The following ZMYM2 variants were observed in gnomAD, a reference collection of about 807,000 sequenced individuals.
The protein encoded by ZMYM2 is zinc finger MYM-type protein 2.
In ZMYM2, 56 loss-of-function variants were observed where a neutral mutation model predicts 162.8. The observed-to-expected ratio is 0.34, with a 90% CI of 0.28 to 0.43. ZMYM2 has a LOEUF of 0.43. ZMYM2 is among the 20% of genes least tolerant of loss of function. The probability of loss-of-function intolerance (pLI) is 1.00; values close to 1 mark genes in which losing one functional copy is unlikely to be tolerated. For missense variants in ZMYM2, 1,275 were observed against 1,621.8 expected, an observed-to-expected ratio of 0.79 and a Z score of 3.67; for synonymous variants, 510 against 541.6, an observed-to-expected ratio of 0.94 and a Z score of 0.81.
intron 14 of ZMYM2, among the ~76,000 whole-genome samples, chr13:20,052,538 A>G (rs1025019979): frequency 1.3e-5 from 2 of 152,170 alleles, no homozygotes; most frequent in African/African-American, 4.8e-5. Flanking sequence ...GGGGCGATAG[A>G]CATAAGTGAT....
chr13:20,029,810 T>C (rs117072079), intron 9 of ZMYM2, among the ~76,000 whole-genome samples: 3,970 of 152,224 alleles, frequency 0.026, 119 homozygotes, highest in East Asian at 0.13. Context: ...AATTTTTTTT[T>C]TTTTGGAGAC....
chr13:19,902,839 C>T, the ZMYM2 span, among the ~76,000 whole-genome samples: 1 of 151,962 alleles, frequency 6.6e-6, no homozygotes, highest in African/African-American at 2.4e-5. Flanking sequence ...AATAGGGAGA[C>T]ATCGTCTCTA....
chr13:20,021,326 C>T (rs4569103), intron 7 of ZMYM2, among the ~76,000 whole-genome samples: 119,004 of 137,098 alleles, frequency 0.87, 50,794 homozygotes, highest in Non-Finnish European at 0.92. Flanking sequence ...GTTTGATTTT[C>T]TTTTTTTTTC....
At chr13:20,083,836 T>C in intron 24 of ZMYM2, 60 bp downstream of exon 24, 2 of 1,532,350 alleles carry the variant, frequency 1.3e-6, no homozygotes, top group South Asian at 2.5e-5. Context: ...GGTTTAAATT[T>C]AACATTACCA....
At chr13:19,881,611 G>A in the ZMYM2 span, among the ~76,000 whole-genome samples, 1 of 151,326 alleles carries the variant, frequency 6.6e-6, no homozygotes, top group Non-Finnish European at 1.5e-5. Flanking sequence ...AACAGAGTGA[G>A]ACTCAGTCTC....
At chr13:19,905,389 T>C in the ZMYM2 span, among the ~76,000 whole-genome samples, 1 of 152,086 alleles carries the variant, frequency 6.6e-6, no homozygotes, top group African/African-American at 2.4e-5. Flanking sequence ...GGCACAACCA[T>C]CCAGGTTAGG....
chr13:19,923,605 C>T, the ZMYM2 span, among the ~76,000 whole-genome samples: 1 of 149,326 alleles, frequency 6.7e-6, no homozygotes, highest in African/African-American at 2.5e-5. Flanking sequence ...GCGATCCTTA[C>T]ACCCCAACTT....
At chr13:20,063,866 TATAA>T (rs1297353998) in intron 18 of ZMYM2, among the ~76,000 whole-genome samples, 3 of 143,960 alleles carry the variant, frequency 2.1e-5, no homozygotes, top group Admixed American at 7.0e-5. Flanking sequence ...GTATATAATA[TATAA>T]ATATATACAA....
Position 19,993,370 on chromosome 13 carries a change from A to G in ZMYM2, c.298A>G (p.Thr100Ala), listed in dbSNP as rs370438202. 3.3e-5 allele frequency: 53 copies of G among 1,613,612 alleles called. No homozygotes were observed. The highest frequency in any genetic ancestry group is 4.3e-5 in the Non-Finnish European group (51 of 1,179,788). The change falls in exon 3 of 25, where the codon ACT becomes GCT. Residue 100 changes from threonine (T) to alanine (A), a missense_variant. By Grantham distance (58) the Thr-to-Ala change is moderately conservative (BLOSUM62 0). This residue lies in a region of ZMYM2 where 295 missense variants were observed against 286.7 expected (regional missense o/e 1.03). Coordinates refer to ENST00000610343, the MANE Select transcript of ZMYM2 (RefSeq NM_197968.4). ...EELQGNDSKI[T>A]PSSKELASQK... ...ACTACAAGGAAATGATTCCAAAATT[A>G]CTCCTTCCTCAAAAGAGTTGGCATC... is the stretch of plus-strand genomic sequence containing the variant.
the ZMYM2 span, among the ~76,000 whole-genome samples, chr13:19,945,951 G>GAAAAAAAAA: frequency 2.2e-5 from 2 of 89,570 alleles, no homozygotes; most frequent in African/African-American, 5.0e-5. Context: ...CTCCGTCTCA[G>GAAAAAAAAA]AAAAAAAAAA....
At chr13:19,926,727 G>A in the ZMYM2 span, among the ~76,000 whole-genome samples, 2 of 151,978 alleles carry the variant, frequency 1.3e-5, no homozygotes, top group Admixed American at 6.6e-5. Flanking sequence ...GAGTTCAGTG[G>A]CGCAATCCCT....
At chr13:19,975,861 AATGT>A (rs71070281) in intron 2 of ZMYM2, among the ~76,000 whole-genome samples, 1,939 of 146,976 alleles carry the variant, frequency 0.013, 31 homozygotes, top group Middle Eastern at 0.041. Flanking sequence ...CCATTTTTAA[AATGT>A]ATGTATGTAT....
intron 14 of ZMYM2, among the ~76,000 whole-genome samples, chr13:20,055,529 T>G (rs1459975319): frequency 6.6e-6 from 1 of 152,202 alleles, no homozygotes; most frequent in East Asian, 1.9e-4. Context: ...AGTGTGGTGT[T>G]GAAGTGCTGT....
At chr13:19,937,152 CTT>C in the ZMYM2 span, among the ~76,000 whole-genome samples, 1 of 146,870 alleles carries the variant, frequency 6.8e-6, no homozygotes, top group Admixed American at 6.8e-5. Flanking sequence ...TAGTATTCTA[CTT>C]TTTTTTTTTT....
chr13:19,981,298 CAAA>C (rs1957299001), intron 2 of ZMYM2, among the ~76,000 whole-genome samples: 1 of 129,756 alleles, frequency 7.7e-6, no homozygotes, highest in African/African-American at 3.4e-5. Context: ...AAAAAACAAA[CAAA>C]CAAAAAAAAA....
chr13:19,988,823 A>G lies in ZMYM2; in HGVS notation c.-10-4240A>G, dbSNP rs567352375. 2.0e-5 allele frequency among the ~76,000 whole-genome samples: 3 copies of G among 152,302 alleles called. No homozygotes were observed. In the East Asian group the frequency reaches 5.8e-4, roughly 29 times the overall value. On this transcript the variant is annotated intron_variant, in intron 2 of 24. Transcript: ENST00000610343. ...CAAATTAATGATTCATTAAAAAGTT[A>G]GTATACCCATATTTGATGTCTGTGA... is the stretch of plus-strand genomic sequence containing the variant.
Position 19,993,565 on chromosome 13 carries a change from G to A in ZMYM2, c.493G>A (p.Val165Ile). 6.2e-7 allele frequency: 1 copy of A among 1,614,076 alleles called. No homozygotes were observed. The highest frequency in any genetic ancestry group is 8.5e-7 in the Non-Finnish European group (1 of 1,180,002). Reference protein sequence around the residue: ...FSTSSFSRSKVNAGMGNSGIT... With the variant: ...FSTSSFSRSKINAGMGNSGIT... ...CACTTCCAGTTTTTCAAGAAGTAAG[G>A]TAAATGCAGGAATGGGTAATAGTGG... The change falls in exon 3 of 25, where the codon GTA becomes ATA. Residue 165 changes from valine to isoleucine, a missense_variant. Physicochemically the swap from Val to Ile is conservative, Grantham distance 29. This residue lies in a region of ZMYM2 where 295 missense variants were observed against 286.7 expected (regional missense o/e 1.03). Coordinates refer to ENST00000610343, the MANE Select transcript of ZMYM2 (RefSeq NM_197968.4).
intron 21 of ZMYM2, among the ~76,000 whole-genome samples, chr13:20,072,300 G>T (rs539554913): frequency 1.3e-5 from 2 of 152,270 alleles, no homozygotes; most frequent in African/African-American, 2.4e-5. Context: ...CAGGTGGATC[G>T]CCTGAGGTTC....
At chr13:19,950,215 A>T in the ZMYM2 span, among the ~76,000 whole-genome samples, 2 of 152,082 alleles carry the variant, frequency 1.3e-5, no homozygotes, top group South Asian at 4.1e-4. Flanking sequence ...TTTAAAAATT[A>T]AAAAAAAGTA....
Sources: gnomAD v4.1 joint callset for allele counts (sites outside exome capture counted in the v4.1 genomes callset) on GRCh38, gnomAD v4.1.1 for gene constraint, gnomAD v4.1.1 regional missense constraint, MANE v1.5 for transcripts, NCBI Gene and HGNC (gene_info 2026-07-23, HGNC 2026-07-21) for gene names.